Variants in LAMA4 observed in about 807,000 individuals in gnomAD.
LAMA4 encodes the protein laminin subunit alpha-4.
In LAMA4, 127 loss-of-function variants were observed where a neutral mutation model predicts 207.1. The observed-to-expected ratio is 0.61, with a 90% CI of 0.53 to 0.71. The LOEUF is 0.71. Ranked by LOEUF, LAMA4 falls within the 30% of genes least tolerant of loss-of-function variation. The pLI is 0.00. For missense variants in LAMA4, 2,093 were observed against 2,246.5 expected (o/e 0.93, Z 1.38); for synonymous variants, 761 against 816.0 (o/e 0.93, Z 1.15).
chr6:112,119,094 C>T, intron 34 of LAMA4, 62 bp downstream of exon 34: 3 of 1,542,592 alleles, frequency 1.9e-6, no homozygotes, highest in East Asian at 4.5e-5. Context: ...AGACGAGGGC[C>T]TCAATTAGAT....
At chr6:112,156,152 T>G (rs1780699950) in intron 14 of LAMA4, among the ~76,000 whole-genome samples, 1 of 152,098 alleles carries the variant, frequency 6.6e-6, no homozygotes, top group Admixed American at 6.5e-5. Flanking sequence ...TTTGTTTCAC[T>G]CCTGAGGCCT....
chr6:112,152,336 T>C (rs560426297), intron 16 of LAMA4, among the ~76,000 whole-genome samples: 1 of 152,266 alleles, frequency 6.6e-6, no homozygotes, highest in East Asian at 1.9e-4. Flanking sequence ...CATATGTATG[T>C]ACATACAGTT....
intron 19 of LAMA4, among the ~76,000 whole-genome samples, chr6:112,144,331 TTGTG>T (rs1291215386): frequency 6.6e-6 from 1 of 152,338 alleles, no homozygotes. Flanking sequence ...TCTGCATAAT[TTGTG>T]TTGTACCAGA....
At chr6:112,196,684 T>C (rs1280410912) in intron 5 of LAMA4, 2 of 152,150 alleles carry the variant, frequency 1.3e-5, no homozygotes, top group African/African-American at 4.8e-5. Flanking sequence ...CCAGACTCAG[T>C]CAACTCTGGG....
chr6:112,116,902 G>A (rs76666886), intron 35 of LAMA4, among the ~76,000 whole-genome samples: 2,331 of 152,232 alleles, frequency 0.015, 69 homozygotes, highest in African/African-American at 0.054. Context: ...AAAGATGGGT[G>A]AGGCAGGAAA....
At chr6:112,196,035 T>C (rs1020573769) in intron 5 of LAMA4, among the ~76,000 whole-genome samples, 10 of 151,972 alleles carry the variant, frequency 6.6e-5, no homozygotes, top group Middle Eastern at 3.2e-3. Context: ...TTTTTTTCCC[T>C]TTTATTTTTT....
chr6:112,147,065 A>G (rs577507909), intron 18 of LAMA4, among the ~76,000 whole-genome samples: 1 of 152,316 alleles, frequency 6.6e-6, no homozygotes, highest in African/African-American at 2.4e-5. Context: ...GTTTTGAACC[A>G]CAAAATGCTA....
At position 112,123,588 on chromosome 6, in the gene LAMA4, A is replaced by T. The variant is rs80158304; in HGVS notation, c.4288-1387T>A. ...CACAAAAAAATAGTGTTTTAGCTAA[A>T]TCTCAGAATTACTTTCAAAATCTAG... On this transcript the variant is annotated intron_variant, in intron 31 of 38. Transcript: ENST00000230538. Among the ~76,000 whole-genome samples the T allele has an allele frequency of 5.3e-3, 802 of 152,310 alleles. 9 individuals carry two copies. The highest frequency in any genetic ancestry group is 0.019 in the African/African-American group (775 of 41,562).
intron 16 of LAMA4, among the ~76,000 whole-genome samples, chr6:112,153,006 C>T (rs1466771368): frequency 6.6e-6 from 1 of 151,916 alleles, no homozygotes; most frequent in African/African-American, 2.4e-5. Context: ...CAATTTTGGG[C>T]TTGATGTTTA....
rs188747342 is a variant in LAMA4 at position 112,112,127 on chromosome 6, A to G, written c.5326+1949T>C. ...CTTAGTTTCAACAATATTCTGTGCT[A>G]AGTGCTACAACAGCAGTATGTGTAT... is the stretch of plus-strand genomic sequence containing the variant. On this transcript the variant is annotated intron_variant, in intron 38 of 38. Coordinates refer to ENST00000230538, the MANE Select transcript of LAMA4 (RefSeq NM_001105206.3). 2.0e-5 allele frequency among the ~76,000 whole-genome samples: 3 copies of G among 152,260 alleles called. No homozygotes were observed. The East Asian group carries it at 5.8e-4, about 29-fold the overall frequency.
At position 112,117,537 on chromosome 6, in the gene LAMA4, G is replaced by C. The variant is rs1554324362; in HGVS notation, c.4981+202C>G. ...AAGTTTGGCAGCTGTGGAGAAGCCT[G>C]GTCAGGGAGAGTATACAGGGATGGG... On this transcript the variant is annotated intron_variant, in intron 35 of 38. Coordinates refer to ENST00000230538, the MANE Select transcript of LAMA4 (RefSeq NM_001105206.3). The surrounding 1 kb of genome is among the most constrained non-coding windows in gnomAD (Gnocchi z 4.5). 6.6e-6 allele frequency among the ~76,000 whole-genome samples: 1 copy of C among 152,138 alleles called. No individual in the cohort carries two copies. The highest frequency in any genetic ancestry group is 6.5e-5 in the Admixed American group (1 of 15,270).
chr6:112,178,236 C>T lies in LAMA4; in HGVS notation c.1078-4G>A, dbSNP rs1298170873. 6 of 1,600,514 alleles carry T rather than the reference C, an allele frequency of 3.7e-6. No homozygotes were observed. The African/African-American group carries it at 4.0e-5, about 11-fold the overall frequency. ...CTTTTCTGGAGGCTTGATTTTCCTACAAATAATCCGTATAAAGGCTAGATT... is the reference window on the plus strand; with the variant it reads ...CTTTTCTGGAGGCTTGATTTTCCTATAAATAATCCGTATAAAGGCTAGATT... On this transcript the variant is annotated splice_region_variant and splice_polypyrimidine_tract_variant and intron_variant, in intron 9 of 38. Transcript: ENST00000230538.
At chr6:112,188,829 G>A (rs967173327) in intron 7 of LAMA4, 3 of 384,172 alleles carry the variant, frequency 7.8e-6, no homozygotes, top group Non-Finnish European at 1.5e-5. Flanking sequence ...GTCACTGGGA[G>A]TTGTGTTTCT....
intron 3 of LAMA4, among the ~76,000 whole-genome samples, chr6:112,214,787 C>T (rs1297655780): frequency 6.6e-6 from 1 of 152,176 alleles, no homozygotes; most frequent in Non-Finnish European, 1.5e-5. Context: ...TGTCACAGGA[C>T]CTTGGAGGGA....
Position 112,240,139 on chromosome 6 carries a change from C to T in LAMA4, c.195+13817G>A, listed in dbSNP as rs950529490. Among the ~76,000 whole-genome samples the T allele has an allele frequency of 6.5e-4, 99 of 152,300 alleles. 1 individual carries two copies. Among genetic ancestry groups the T allele is most frequent in the Non-Finnish European group, 2.2e-4 (15 of 68,028 alleles). ...TTTTCTATTGTCATTTGTAAAGAAA[C>T]ATTTTAAAAGGTAAACTGTTTCTAA... On this transcript the variant is annotated intron_variant, in intron 2 of 38. Coordinates refer to ENST00000230538, the MANE Select transcript of LAMA4 (RefSeq NM_001105206.3).
chr6:112,144,697 C>T, intron 19 of LAMA4, 97 bp downstream of exon 19: 1 of 1,373,894 alleles, frequency 7.3e-7, no homozygotes, highest in Non-Finnish European at 1.0e-6. Flanking sequence ...GAGAATACAG[C>T]AGAAAGGTCC....
At chr6:112,142,637 C>A (rs186968627) in intron 19 of LAMA4, among the ~76,000 whole-genome samples, 37 of 152,284 alleles carry the variant, frequency 2.4e-4, no homozygotes, top group Admixed American at 2.1e-3. Flanking sequence ...ACAATTTATA[C>A]AAAACTAATT....
intron 9 of LAMA4, among the ~76,000 whole-genome samples, chr6:112,180,710 T>C (rs1200006133): frequency 6.6e-6 from 1 of 152,124 alleles, no homozygotes; most frequent in African/African-American, 2.4e-5. Flanking sequence ...AGGGTGATCA[T>C]ATATTTTATG....
intron 17 of LAMA4, among the ~76,000 whole-genome samples, chr6:112,150,281 G>A (rs1490789454): frequency 1.3e-5 from 2 of 150,658 alleles, no homozygotes; most frequent in East Asian, 3.9e-4. Flanking sequence ...GGAAAAAAAG[G>A]CTCTCAAATC....
Sources: allele counts gnomAD v4.1 joint callset (sites outside exome capture counted in the v4.1 genomes callset), GRCh38; gene constraint gnomAD v4.1.1; non-coding constraint Gnocchi (gnomAD v3.1); transcripts MANE v1.5; gene names NCBI Gene and HGNC (gene_info 2026-07-23, HGNC 2026-07-21).